Variants in TNFRSF1B observed in about 807,000 individuals in gnomAD.
TNFRSF1B encodes the protein TNF receptor superfamily member 1B.
Under a neutral mutation model 44.6 loss-of-function variants are expected in TNFRSF1B, and 19 were observed. The observed-to-expected ratio is 0.43, with a 90% confidence interval of 0.30 to 0.62. The LOEUF is 0.62. TNFRSF1B is among the 20% of genes least tolerant of loss of function. The probability of loss-of-function intolerance (pLI) is 0.16; values close to 1 mark genes in which losing one functional copy is unlikely to be tolerated. For synonymous variants in TNFRSF1B, 252 were observed against 261.1 expected (o/e 0.97, Z 0.34); for missense variants, 541 against 619.9 (o/e 0.87, Z 1.35).
rs1382971936 is a variant in TNFRSF1B at position 12,178,495 on chromosome 1, T to C, written c.79-10301T>C. On this transcript the variant is annotated intron_variant, in intron 1 of 9. Coordinates refer to ENST00000376259, the MANE Select transcript of TNFRSF1B (RefSeq NM_001066.3). This position sits in a 1 kb window ranked among gnomAD's most constrained non-coding sequence, Gnocchi z 4.3. Reference sequence around the variant, plus strand: ...GTGTCTGTGTCTGGCTCAGCGCCCATACAAGGGTGTCAAGGTTGCGGGGAG... The same window carrying C: ...GTGTCTGTGTCTGGCTCAGCGCCCACACAAGGGTGTCAAGGTTGCGGGGAG... Among the ~76,000 whole-genome samples the C allele has an allele frequency of 6.6e-6, 1 of 152,170 alleles. No homozygotes were observed. Among genetic ancestry groups the C allele is most frequent in the Non-Finnish European group, 1.5e-5 (1 of 68,024 alleles).
intron 1 of TNFRSF1B, among the ~76,000 whole-genome samples, chr1:12,181,632 G>A (rs910229079): frequency 1.3e-5 from 2 of 152,138 alleles, no homozygotes; most frequent in Admixed American, 6.5e-5. Flanking sequence ...CTACAAGGCC[G>A]GTGTCCAGCA....
At chr1:12,188,760 G>A (rs745737460) in intron 1 of TNFRSF1B, 36 bp from the exon 2 acceptor site, 1 of 1,597,810 alleles carries the variant, frequency 6.3e-7, no homozygotes, top group South Asian at 1.1e-5. Context: ...CCCAGGGGCG[G>A]CCCTGTTGAT....
At chr1:12,191,222 A>AC in intron 3 of TNFRSF1B, 137 bp downstream of exon 3, 1 of 1,182,142 alleles carries the variant, frequency 8.5e-7, no homozygotes, top group Admixed American at 2.4e-5. Flanking sequence ...GCAGCTGTTT[A>AC]CCCCTACCAC....
rs1638898012 is a variant in TNFRSF1B at position 12,183,748 on chromosome 1, T to TAGCTAG, written c.79-5048_79-5047insAGCTAG. On this transcript the variant is annotated intron_variant, in intron 1 of 9. Transcript: ENST00000376259. Reference sequence around the variant, plus strand: ...ATCTATCTATCTATCTATCTATCTATCTAGCTAGCTAGCTAGCTAGCTATC... The same window carrying TAGCTAG: ...ATCTATCTATCTATCTATCTATCTATAGCTAGCTAGCTAGCTAGCTAGCTAGCTATC... Among the ~76,000 whole-genome samples, 374 of 117,022 alleles carry TAGCTAG rather than the reference T, an allele frequency of 3.2e-3. 13 individuals are homozygous for TAGCTAG. Among genetic ancestry groups the TAGCTAG allele is most frequent in the Non-Finnish European group, 4.7e-3 (245 of 51,772 alleles). The allele number at this position is 117,022 out of a possible 152,430, so 76.8% of individuals were successfully genotyped here.
At chr1:12,190,157 AG>A (rs1347617562) in intron 2 of TNFRSF1B, among the ~76,000 whole-genome samples, 1 of 152,186 alleles carries the variant, frequency 6.6e-6, no homozygotes, top group Non-Finnish European at 1.5e-5. Flanking sequence ...AAGACATCCT[AG>A]GGAAAGTGAC....
At chr1:12,203,275 G>A (rs946884364) in intron 9 of TNFRSF1B, among the ~76,000 whole-genome samples, 1 of 152,172 alleles carries the variant, frequency 6.6e-6, no homozygotes, top group African/African-American at 2.4e-5. Context: ...TCCTTGCCAG[G>A]GCTGGTGAGA....
At position 12,197,712 on chromosome 1, in the gene TNFRSF1B, G is replaced by A. The variant is rs112443907; in HGVS notation, c.900+3094G>A. Among the ~76,000 whole-genome samples the A allele has an allele frequency of 9.2e-3, 1,409 of 152,326 alleles. 20 individuals are homozygous for A. The highest frequency in any genetic ancestry group is 0.032 in the African/African-American group (1,327 of 41,562). ...CAGCTACTCCTGATAAGAGGCCAGT[G>A]GAGAGTCCTCTTGAGCTGGGCTGCT... On this transcript the variant is annotated intron_variant, in intron 8 of 9. Coordinates refer to ENST00000376259, the MANE Select transcript of TNFRSF1B (RefSeq NM_001066.3).
At chr1:12,174,440 G>A (rs1557623994) in intron 1 of TNFRSF1B, among the ~76,000 whole-genome samples, 1 of 152,066 alleles carries the variant, frequency 6.6e-6, no homozygotes, top group Non-Finnish European at 1.5e-5. Flanking sequence ...TAGAGATGGG[G>A]TTTCACCATG....
chr1:12,205,360 A>G (rs1639479440), intron 9 of TNFRSF1B, among the ~76,000 whole-genome samples: 1 of 151,462 alleles, frequency 6.6e-6, no homozygotes, highest in Admixed American at 6.6e-5. Context: ...GCGGCAGGAG[A>G]GGGGGTGGGA....
At chr1:12,197,437 A>G (rs892908845) in intron 8 of TNFRSF1B, among the ~76,000 whole-genome samples, 2 of 152,138 alleles carry the variant, frequency 1.3e-5, no homozygotes, top group Non-Finnish European at 2.9e-5. Flanking sequence ...CTGAATATGG[A>G]GTTGGGAGGA....
rs372662358 is a variant in TNFRSF1B, at chr1:12,176,598, C to T, written c.78+9429C>T. On this transcript the variant is annotated intron_variant, in intron 1 of 9. Coordinates refer to ENST00000376259, the MANE Select transcript of TNFRSF1B (RefSeq NM_001066.3). ...AGGAGTGTGGATTCAAGCCAGCATCCTTATTCCAGTGTCCATGCTCTCAGC... is the reference window on the plus strand; with the variant it reads ...AGGAGTGTGGATTCAAGCCAGCATCTTTATTCCAGTGTCCATGCTCTCAGC... 5.9e-5 allele frequency among the ~76,000 whole-genome samples: 9 copies of T among 152,292 alleles called. No homozygotes were observed. In the East Asian group the frequency reaches 1.7e-3, roughly 29 times the overall value.
chr1:12,197,113 A>T (rs944777349), intron 8 of TNFRSF1B, among the ~76,000 whole-genome samples: 1 of 151,708 alleles, frequency 6.6e-6, no homozygotes, highest in African/African-American at 2.4e-5. Flanking sequence ...ATGCCTGGCT[A>T]ATTTTTATAT....
At chr1:12,190,207 G>A (rs1246500443) in intron 2 of TNFRSF1B, among the ~76,000 whole-genome samples, 1 of 152,082 alleles carries the variant, frequency 6.6e-6, no homozygotes, top group Non-Finnish European at 1.5e-5. Flanking sequence ...GTCTCTTTAA[G>A]AAGTTACTAG....
rs989561624 is a variant in TNFRSF1B, at chr1:12,202,168, T to C, written c.1102T>C (p.Ser368Pro). 8 of 1,545,782 alleles carry C rather than the reference T, an allele frequency of 5.2e-6. No individual in the cohort carries two copies. Among genetic ancestry groups the C allele is most frequent in the African/African-American group, 1.4e-5 (1 of 73,176 alleles). ...GGAGGCCCGGGCCAGCACCGGGAGC[T>C]CAGGTAAGAGGTGGGAGCACACCTG... ...AGEARASTGSSDSSPGGHGTQ... is the reference protein window; with the variant it reads ...AGEARASTGSPDSSPGGHGTQ... Residue 368 changes from serine to proline, a missense_variant, in exon 9 of 10, where the codon TCA becomes CCA. Transcript: ENST00000376259.
rs191408393 is a variant in TNFRSF1B, at chr1:12,203,892, G to A, written c.1105+1721G>A. Among the ~76,000 whole-genome samples the A allele has an allele frequency of 1.1e-3, 166 of 152,296 alleles. 1 individual carries two copies. The highest frequency in any genetic ancestry group is 1.9e-3 in the Non-Finnish European group (128 of 68,024). On this transcript the variant is annotated intron_variant, in intron 9 of 9. Coordinates refer to ENST00000376259, the MANE Select transcript of TNFRSF1B (RefSeq NM_001066.3). ...TTACAGGCATGTGCCATCACGCCTG[G>A]CTAACTTTTGTACTTTTAGTAGAGA...
chr1:12,202,069 G>C lies in TNFRSF1B; in HGVS notation c.1003G>C (p.Ala335Pro), dbSNP rs778973992. Residue 335 changes from alanine (A) to proline (P), a missense_variant, in exon 9 of 10, where the codon GCC (alanine) becomes CCC (proline). By Grantham distance (27) the Ala-to-Pro change is conservative. Coordinates refer to ENST00000376259, the MANE Select transcript of TNFRSF1B (RefSeq NM_001066.3). ...SSSSSSLESS[A>P]SALDRRAPTR... ...CAGCAGCAGCTCCCTGGAGAGCTCGGCCAGTGCGTTGGACAGAAGGGCGCC... is the reference window on the plus strand; with the variant it reads ...CAGCAGCAGCTCCCTGGAGAGCTCGCCCAGTGCGTTGGACAGAAGGGCGCC... 6.3e-7 allele frequency: 1 copy of C among 1,592,346 alleles called. No homozygotes were observed. The highest frequency in any genetic ancestry group is 1.3e-5 in the African/African-American group (1 of 74,380).
intron 8 of TNFRSF1B, among the ~76,000 whole-genome samples, chr1:12,198,142 C>T (rs1352533507): frequency 6.8e-6 from 1 of 147,360 alleles, no homozygotes; most frequent in African/African-American, 2.5e-5. Context: ...AAAAAAAAAA[C>T]CAATATGTGA....
intron 1 of TNFRSF1B, among the ~76,000 whole-genome samples, chr1:12,183,759 AGC>A (rs1423912519): frequency 2.8e-4 from 30 of 108,748 alleles, no homozygotes; most frequent in African/African-American, 9.0e-4. Context: ...CTAGCTAGCT[AGC>A]TAGCTAGCTA....
chr1:12,185,678 G>A (rs1469958454), intron 1 of TNFRSF1B, among the ~76,000 whole-genome samples: 5 of 152,206 alleles, frequency 3.3e-5, no homozygotes, highest in East Asian at 3.9e-4. Context: ...GTGGGCCTCC[G>A]GGGCAGGCCA....
Sources: gnomAD v4.1 joint callset for allele counts (sites outside exome capture counted in the v4.1 genomes callset) on GRCh38, gnomAD v4.1.1 for gene constraint, Gnocchi (gnomAD v3.1) non-coding constraint, MANE v1.5 for transcripts, NCBI Gene and HGNC (gene_info 2026-07-23, HGNC 2026-07-21) for gene names.